The following LDLRAD2 variants were observed in gnomAD, a reference collection of about 807,000 sequenced individuals.
The protein encoded by LDLRAD2 is low-density lipoprotein receptor class A domain-containing protein 2.
A neutral mutation model predicts 24.9 loss-of-function variants in LDLRAD2; 25 were observed. The ratio of observed to expected loss-of-function variants is 1.00; its 90% confidence interval spans 0.73 to 1.40. The LOEUF is 1.40. Among genes scored for constraint, LDLRAD2 ranks in the 40% most tolerant of loss-of-function variants. The pLI, the probability that LDLRAD2 is intolerant of heterozygous loss-of-function variation, is 0.00. For missense variants in LDLRAD2, 391 were observed against 366.2 expected (o/e 1.07, Z -0.55); for synonymous variants, 182 against 166.7 (o/e 1.09, Z -0.71).
In LDLRAD2 at chr1:21,824,694, C is replaced by G; in HGVS notation, c.*2479C>G. ...ATTAGGCCCATGGGCCCTTCCAATG[C>G]CAGTCTCACCTCCTGGAGAAGACAT... On this transcript the variant is annotated 3_prime_UTR_variant, in exon 5 of 5. Transcript: ENST00000344642. The surrounding 1 kb of genome is among the most constrained non-coding windows in gnomAD (Gnocchi z 5.9). 12 of 1,613,692 alleles carry G rather than the reference C, an allele frequency of 7.4e-6. No homozygotes were observed. Among genetic ancestry groups the G allele is most frequent in the Non-Finnish European group, 1.0e-5 (12 of 1,179,842 alleles).
Position 21,824,354 on chromosome 1 carries a change from C to T in LDLRAD2, c.*2139C>T. On this transcript the variant is annotated 3_prime_UTR_variant, in exon 5 of 5. Transcript: ENST00000344642. This position sits in a 1 kb window ranked among gnomAD's most constrained non-coding sequence, Gnocchi z 5.9. ...AAGCCCGAGGCTGATGAAGTCCTTG[C>T]CTTGGCCGGCCTCTCCCACCTCCTG... 6.2e-7 allele frequency: 1 copy of T among 1,613,852 alleles called. No homozygotes were observed. Among genetic ancestry groups the T allele is most frequent in the Non-Finnish European group, 8.5e-7 (1 of 1,180,016 alleles).
intron 2 of LDLRAD2, among the ~76,000 whole-genome samples, chr1:21,815,575 C>A (rs1160782892): frequency 1.3e-5 from 2 of 152,166 alleles, no homozygotes; most frequent in Non-Finnish European, 2.9e-5. Context: ...CTCAGGAATT[C>A]AAGACCAGCC....
In LDLRAD2 at chr1:21,824,441, G is replaced by T; in HGVS notation, c.*2226G>T. 6.2e-7 allele frequency: 1 copy of T among 1,603,120 alleles called. No homozygotes were observed. ...GAGAGCAGAGGCTGCCGAGGCCAGG[G>T]GGCTCTGCTTTCCCCTCCCCCCACC... On this transcript the variant is annotated 3_prime_UTR_variant, in exon 5 of 5. Coordinates refer to ENST00000344642, the MANE Select transcript of LDLRAD2 (RefSeq NM_001013693.3). The surrounding 1 kb of genome is among the most constrained non-coding windows in gnomAD (Gnocchi z 5.9).
chr1:21,814,024 C>T (rs1205683075), intron 1 of LDLRAD2, among the ~76,000 whole-genome samples: 4 of 152,098 alleles, frequency 2.6e-5, no homozygotes, highest in South Asian at 2.1e-4. Context: ...GTGCGCACCA[C>T]CATGCCCGGC....
chr1:21,814,610 T>TCCCCGG lies in LDLRAD2; in HGVS notation c.307_312dup (p.Pro103_Ala104dup). 6.2e-7 allele frequency: 1 copy of TCCCCGG among 1,610,214 alleles called. No individual in the cohort carries two copies. The highest frequency in any genetic ancestry group is 8.5e-7 in the Non-Finnish European group (1 of 1,178,586). ...CGCGCCCCCGGCGCTCAACACCTCC[T>TCCCCGG]CCCCGGCCCCGGCCGACCCGTGCGC... On this transcript the variant is annotated inframe_insertion, in exon 2 of 5. Transcript: ENST00000344642.
In LDLRAD2 at chr1:21,824,260, G is replaced by C. The variant is rs372638570; in HGVS notation, c.*2045G>C. On this transcript the variant is annotated 3_prime_UTR_variant, in exon 5 of 5. Coordinates refer to ENST00000344642, the MANE Select transcript of LDLRAD2 (RefSeq NM_001013693.3). The surrounding 1 kb of genome is among the most constrained non-coding windows in gnomAD (Gnocchi z 5.9). ...CTGGGGCAGGACCGGGGGGTGGGGT[G>C]CTGGGACCAGGGAAGGGAGAGGAAG... 1.2e-5 allele frequency: 19 copies of C among 1,612,730 alleles called. No homozygotes were observed. The East Asian group carries it at 3.8e-4, about 32-fold the overall frequency.
chr1:21,812,386 C>G lies in LDLRAD2; in HGVS notation c.-66C>G. The G allele has an allele frequency of 7.4e-7, 1 of 1,344,790 alleles. No homozygotes were observed. Among genetic ancestry groups the G allele is most frequent in the South Asian group, 1.2e-5 (1 of 83,944 alleles). The allele number at this position is 1,344,790 out of a possible 1,614,324, so 83.3% of individuals were successfully genotyped here. On this transcript the variant is annotated 5_prime_UTR_variant, in exon 1 of 5. Transcript: ENST00000344642. ...GCCTGACCAGGCCCCATACTCCAGT[C>G]TCCCCAGAGACCCCAAGCTGAAGAT...
intron 1 of LDLRAD2, 74 bp downstream of exon 1, chr1:21,812,610 C>A: frequency 8.8e-6 from 11 of 1,246,410 alleles, no homozygotes; most frequent in Non-Finnish European, 1.3e-5. Context: ...TATGTTTCCC[C>A]AGTCAGCACT....
chr1:21,818,848 T>TCGCCTCTTCCTTCCTGGCCC (rs2097947038), intron 3 of LDLRAD2, among the ~76,000 whole-genome samples: 5 of 150,574 alleles, frequency 3.3e-5, no homozygotes, highest in Non-Finnish European at 3.0e-5. Flanking sequence ...TTTCCTGGCC[T>TCGCCTCTTCCTTCCTGGCCC]CGCCTCTTCC....
In LDLRAD2 at chr1:21,822,281, CAA is replaced by C; in HGVS notation, c.*68_*69del. Reference sequence around the variant, plus strand: ...CACCGTTTATTAAGAAAAATCAAGACAAAGACCACAGGAGGGTCCCTTCTAGG... The same window carrying C: ...CACCGTTTATTAAGAAAAATCAAGACAGACCACAGGAGGGTCCCTTCTAGG... On this transcript the variant is annotated 3_prime_UTR_variant, in exon 5 of 5. Coordinates refer to ENST00000344642, the MANE Select transcript of LDLRAD2 (RefSeq NM_001013693.3). 2 of 1,533,136 alleles carry C rather than the reference CAA, an allele frequency of 1.3e-6. No individual in the cohort carries two copies. Among genetic ancestry groups the C allele is most frequent in the Non-Finnish European group, 1.8e-6 (2 of 1,107,176 alleles). 95.0% of individuals were successfully genotyped at this position (1,533,136 alleles called of 1,614,324 possible). A position where few individuals can be genotyped will look rare whatever the true frequency, so the allele number is the denominator to read the frequency against.
rs373098783 is a variant in LDLRAD2, at chr1:21,823,751, C to T, written c.*1536C>T. 1 of 1,575,316 alleles carries T rather than the reference C, an allele frequency of 6.3e-7. No homozygotes were observed. On this transcript the variant is annotated 3_prime_UTR_variant, in exon 5 of 5. Coordinates refer to ENST00000344642, the MANE Select transcript of LDLRAD2 (RefSeq NM_001013693.3). The stretch of plus-strand genomic sequence containing the variant: ...TGGAACTGGGTCAGGCCCCTTTCCA[C>T]AAACTTCCTGGTCCTCCCCGGCCCC...
Position 21,812,464 on chromosome 1 carries a change from T to A in LDLRAD2, c.13T>A (p.Cys5Ser). 9 of 1,614,150 alleles carry A rather than the reference T, an allele frequency of 5.6e-6. No homozygotes were observed. Among genetic ancestry groups the A allele is most frequent in the Non-Finnish European group, 7.6e-6 (9 of 1,179,972 alleles). MEACCLLQLPQRLLL... is the reference protein window; with the variant it reads MEACSLLQLPQRLLL... The stretch of plus-strand genomic sequence containing the variant: ...CAGCAGAGCCTGGATGGAGGCTTGT[T>A]GTCTTCTGCAGTTGCCCCAAAGGTT... Residue 5 changes from cysteine (C) to serine (S), a missense_variant, in exon 1 of 5, where the codon TGT (cysteine) becomes AGT (serine). Cys to Ser is a moderately radical substitution (Grantham distance 112, BLOSUM62 -1). Transcript: ENST00000344642.
Position 21,821,929 on chromosome 1 carries a change from G to C in LDLRAD2, c.806-273G>C, listed in dbSNP as rs955007132. 8 of 1,417,442 alleles carry C rather than the reference G, an allele frequency of 5.6e-6. No individual in the cohort carries two copies. The African/African-American group carries it at 1.0e-4, about 18-fold the overall frequency. 87.8% of individuals were successfully genotyped at this position (1,417,442 alleles called of 1,614,324 possible). ...TCTCCCCAGGGGGCTGCAGTTGAGT[G>C]GCCCAGCCTTATAGGATCAGGGAGG... is the stretch of plus-strand genomic sequence containing the variant. On this transcript the variant is annotated intron_variant, in intron 4 of 4. Transcript: ENST00000344642.
At chr1:21,818,782 A>G (rs2097946938) in intron 3 of LDLRAD2, among the ~76,000 whole-genome samples, 1 of 152,108 alleles carries the variant, frequency 6.6e-6, no homozygotes, top group Non-Finnish European at 1.5e-5. Flanking sequence ...CACATTCAGC[A>G]AAGGCAAAGC....
At chr1:21,814,275 C>T in intron 1 of LDLRAD2, 123 bp from the exon 2 acceptor site, 1 of 687,328 alleles carries the variant, frequency 1.5e-6, no homozygotes, top group South Asian at 2.0e-5. Flanking sequence ...CCCCATTTTA[C>T]CGATGAGGAA....
chr1:21,819,671 A>G (rs1171464034), intron 3 of LDLRAD2, among the ~76,000 whole-genome samples: 2 of 151,940 alleles, frequency 1.3e-5, no homozygotes, highest in Non-Finnish European at 2.9e-5. Flanking sequence ...AATGGAATTG[A>G]CGGAGTTGAT....
intron 1 of LDLRAD2, among the ~76,000 whole-genome samples, chr1:21,813,697 G>A (rs533382748): frequency 1.3e-5 from 2 of 152,304 alleles, no homozygotes; most frequent in South Asian, 2.1e-4. Context: ...AGTGGTCATA[G>A]GTGATTCCAG....
At chr1:21,817,287 AG>A (rs1217700631) in intron 3 of LDLRAD2, among the ~76,000 whole-genome samples, 2 of 152,136 alleles carry the variant, frequency 1.3e-5, no homozygotes, top group East Asian at 3.8e-4. Flanking sequence ...CTGACAACAC[AG>A]GAAGAAGGAA....
intron 3 of LDLRAD2, among the ~76,000 whole-genome samples, chr1:21,816,875 GTC>G (rs2097944509): frequency 6.6e-6 from 1 of 152,078 alleles, no homozygotes; most frequent in Admixed American, 6.5e-5. Context: ...TCCCTTGTGG[GTC>G]TCATTTATAT....
Sources: allele counts gnomAD v4.1 joint callset (sites outside exome capture counted in the v4.1 genomes callset), GRCh38; gene constraint gnomAD v4.1.1; non-coding constraint Gnocchi (gnomAD v3.1); transcripts MANE v1.5; gene names NCBI Gene and HGNC (gene_info 2026-07-23, HGNC 2026-07-21).